TYW5: variants seen among roughly 807,000 people sequenced by gnomAD.
The protein encoded by TYW5 is tRNA wybutosine-synthesizing protein 5.
In TYW5, 36 loss-of-function variants were observed where a neutral mutation model predicts 44.4. That is an observed-to-expected ratio of 0.81 (90% CI 0.62 to 1.07). The LOEUF (loss-of-function observed/expected upper bound fraction) is 1.07, where lower values mean the gene tolerates loss of function less well. TYW5 is among the 50% of genes least tolerant of loss of function. TYW5 has a pLI of 0.00. For missense variants in TYW5, 354 were observed against 365.7 expected (o/e 0.97, Z 0.26); for synonymous variants, 121 against 128.1 (o/e 0.94, Z 0.37).
At position 199,929,655 on chromosome 2, in the gene TYW5, A is replaced by G. The variant is rs985604118; in HGVS notation, c.*3412T>C. 6.6e-6 allele frequency among the ~76,000 whole-genome samples: 1 copy of G among 151,258 alleles called. No homozygotes were observed. Among genetic ancestry groups the G allele is most frequent in the African/African-American group, 2.4e-5 (1 of 41,100 alleles). On this transcript the variant is annotated 3_prime_UTR_variant, in exon 8 of 8. Coordinates refer to ENST00000354611, the MANE Select transcript of TYW5 (RefSeq NM_001039693.3). ...ACTAAGGTTCTTTCCAAATGTTCAC[A>G]TAGCTGCTGTTCAAAAGGATGAAGG...
chr2:199,936,080 C>T, intron 6 of TYW5, 33 bp from the exon 7 acceptor site: 1 of 1,210,402 alleles, frequency 8.3e-7, no homozygotes, highest in South Asian at 1.3e-5. Flanking sequence ...AATATAGATT[C>T]AGCAAAGTTA....
At chr2:199,955,053 G>A (rs1171512744) in intron 1 of TYW5, among the ~76,000 whole-genome samples, 1 of 152,128 alleles carries the variant, frequency 6.6e-6, no homozygotes, top group Non-Finnish European at 1.5e-5. Context: ...TTTCCTTTTT[G>A]GCTCAGTGGA....
chr2:199,937,476 A>G (rs1432782766), intron 5 of TYW5, among the ~76,000 whole-genome samples: 1 of 151,836 alleles, frequency 6.6e-6, no homozygotes, highest in Non-Finnish European at 1.5e-5. Context: ...CAGCCTGGCC[A>G]ACGTCGCAAA....
chr2:199,937,624 G>A (rs116141669), intron 5 of TYW5, among the ~76,000 whole-genome samples: 1,994 of 152,186 alleles, frequency 0.013, 22 homozygotes, highest in Middle Eastern at 0.027. Context: ...AGCCAGGATC[G>A]TGCCACTGCA....
At chr2:199,954,474 C>G (rs1319872709) in intron 1 of TYW5, among the ~76,000 whole-genome samples, 1 of 152,106 alleles carries the variant, frequency 6.6e-6, no homozygotes, top group African/African-American at 2.4e-5. Flanking sequence ...TCTTGTTGCC[C>G]AGGCTGGAGT....
intron 1 of TYW5, among the ~76,000 whole-genome samples, chr2:199,951,637 A>T (rs74614106): frequency 6.6e-6 from 1 of 152,170 alleles, no homozygotes; most frequent in Non-Finnish European, 1.5e-5. Flanking sequence ...GATCAAAAAC[A>T]TATATTTCAT....
chr2:199,940,976 T>C (rs1054321197), intron 3 of TYW5, among the ~76,000 whole-genome samples: 1 of 151,602 alleles, frequency 6.6e-6, no homozygotes, highest in Admixed American at 6.8e-5. Context: ...ATGCTTAAGA[T>C]TCAGCTCATG....
At chr2:199,953,005 A>G (rs576030896) in intron 1 of TYW5, among the ~76,000 whole-genome samples, 3 of 152,270 alleles carry the variant, frequency 2.0e-5, no homozygotes, top group Non-Finnish European at 4.4e-5. Context: ...ATACCCTAAT[A>G]TAAACTATGA....
At chr2:199,937,181 A>G (rs2105693805) in intron 5 of TYW5, among the ~76,000 whole-genome samples, 1 of 152,304 alleles carries the variant, frequency 6.6e-6, no homozygotes, top group Non-Finnish European at 1.5e-5. Context: ...ATAAGCACTA[A>G]GCAAGATATA....
At chr2:199,943,602 G>T (rs116518420) in intron 3 of TYW5, 163 bp downstream of exon 3, 10 of 568,172 alleles carry the variant, frequency 1.8e-5, no homozygotes, top group African/African-American at 1.3e-4. Context: ...AAGTTTGAGA[G>T]CTAATAAATA....
At chr2:199,935,593 C>T (rs1487626261) in intron 7 of TYW5, among the ~76,000 whole-genome samples, 2 of 148,258 alleles carry the variant, frequency 1.3e-5, no homozygotes, top group Non-Finnish European at 3.0e-5. Context: ...AGCAATCCTC[C>T]CACCTTGGCC....
Position 199,933,195 on chromosome 2 carries a change from T to G in TYW5, c.820A>C (p.Arg274=). ...YGNKDPTAAS[R]AAQILDRALK... ...GCTCTGTCCAGAATTTGTGCAGCTCTTGATGCTGCTGTAGGATCTTTGTTT... is the reference window on the plus strand; with the variant it reads ...GCTCTGTCCAGAATTTGTGCAGCTCGTGATGCTGCTGTAGGATCTTTGTTT... The change falls in exon 8 of 8, where the codon AGA becomes CGA. Residue 274 remains arginine, a synonymous_variant. Coordinates refer to ENST00000354611, the MANE Select transcript of TYW5 (RefSeq NM_001039693.3). 3 of 1,614,198 alleles carry G rather than the reference T, an allele frequency of 1.9e-6. No homozygotes were observed. The highest frequency in any genetic ancestry group is 1.7e-6 in the Non-Finnish European group (2 of 1,180,024).
chr2:199,935,971 A>C lies in TYW5; in HGVS notation c.651T>G (p.Tyr217Ter), dbSNP rs1346084290. The change falls in exon 7 of 8, where the codon TAT becomes TAG. Residue 217 changes from tyrosine to a stop codon, truncating the protein, a stop_gained. Transcript: ENST00000354611. LOFTEE classifies it high-confidence loss of function. ...CATCACCAGCTTCAAGGGAACATTC[A>C]TATCTTCTAGCCTTGGAAAAAAGTG... ...KYPLFSKARR[Y>*]ECSLEAGDVL... The C allele has an allele frequency of 6.2e-7, 1 of 1,612,990 alleles. No homozygotes were observed. Among genetic ancestry groups the C allele is most frequent in the Non-Finnish European group, 8.5e-7 (1 of 1,179,388 alleles).
At chr2:199,953,272 G>A (rs561719808) in intron 1 of TYW5, among the ~76,000 whole-genome samples, 62 of 152,034 alleles carry the variant, frequency 4.1e-4, no homozygotes, top group Non-Finnish European at 5.6e-4. Flanking sequence ...AACGTGAGCC[G>A]AGACTGTGCC....
At chr2:199,953,563 T>G (rs17629151) in intron 1 of TYW5, among the ~76,000 whole-genome samples, 1 of 152,216 alleles carries the variant, frequency 6.6e-6, no homozygotes, top group East Asian at 1.9e-4. Flanking sequence ...TCATGCTTAT[T>G]ATACACTAAA....
rs2077379236 is a variant in TYW5 at position 199,931,716 on chromosome 2, T to C, written c.*1351A>G. ...CTATAATTTATAGGACATGAGTGGA[T>C]GGATTCTCTTCAATAGAGAAAATGA... On this transcript the variant is annotated 3_prime_UTR_variant, in exon 8 of 8. Transcript: ENST00000354611. 1 of 152,196 alleles carries C rather than the reference T, an allele frequency of 6.6e-6. No individual in the cohort carries two copies. The highest frequency in any genetic ancestry group is 2.1e-4 in the South Asian group (1 of 4,830). 9.4% of individuals were successfully genotyped at this position (152,196 alleles called of 1,614,324 possible).
At chr2:199,952,124 T>C (rs2077550309) in intron 1 of TYW5, among the ~76,000 whole-genome samples, 1 of 152,194 alleles carries the variant, frequency 6.6e-6, no homozygotes, top group Admixed American at 6.5e-5. Flanking sequence ...AAATGGGCCA[T>C]AATTTATTCA....
chr2:199,940,251 T>C, intron 3 of TYW5, 118 bp from the exon 4 acceptor site: 1 of 892,278 alleles, frequency 1.1e-6, no homozygotes, highest in Non-Finnish European at 1.7e-6. Context: ...AAAAGAATTA[T>C]GTACTGAGAA....
chr2:199,952,479 T>C (rs927527357), intron 1 of TYW5, among the ~76,000 whole-genome samples: 42 of 152,206 alleles, frequency 2.8e-4, no homozygotes, highest in Non-Finnish European at 5.0e-4. Flanking sequence ...TAATGTTTTT[T>C]CCCCCCTCAA....
Sources: allele counts gnomAD v4.1 joint callset (sites outside exome capture counted in the v4.1 genomes callset), GRCh38; gene constraint gnomAD v4.1.1; transcripts MANE v1.5; gene names NCBI Gene and HGNC (gene_info 2026-07-23, HGNC 2026-07-21).